The following HECW1 variants were observed in gnomAD, a reference collection of about 807,000 sequenced individuals.
HECW1 encodes HECT, C2 and WW domain containing E3 ubiquitin protein ligase 1, also known as E3 ubiquitin-protein ligase HECW1.
In HECW1, 61 loss-of-function variants were observed where a neutral mutation model predicts 182.3. That is an observed-to-expected ratio of 0.33 (90% CI 0.27 to 0.41). The LOEUF (loss-of-function observed/expected upper bound fraction) is 0.41, where lower values mean the gene tolerates loss of function less well. HECW1 is among the 10% of genes least tolerant of loss of function. The pLI is 1.00. For missense variants in HECW1, 1,739 were observed against 2,108.9 expected, an observed-to-expected ratio of 0.82 and a Z score of 3.44; for synonymous variants, 859 against 832.6, an observed-to-expected ratio of 1.03 and a Z score of -0.55.
intron 3 of HECW1, among the ~76,000 whole-genome samples, chr7:43,290,683 A>C (rs1481752339): frequency 6.6e-6 from 1 of 152,238 alleles, no homozygotes; most frequent in Non-Finnish European, 1.5e-5. Context: ...GGAGCTTGAC[A>C]GGGACGTCAT....
At chr7:43,520,703 T>A (rs1241991039) in intron 24 of HECW1, among the ~76,000 whole-genome samples, 3 of 152,148 alleles carry the variant, frequency 2.0e-5, no homozygotes, top group African/African-American at 7.2e-5. Context: ...TGGAACCTTG[T>A]TCTCCAATCT....
At chr7:43,214,399 C>T (rs1796267629) in intron 2 of HECW1, among the ~76,000 whole-genome samples, 1 of 152,100 alleles carries the variant, frequency 6.6e-6, no homozygotes. Flanking sequence ...GGAAATAATA[C>T]ATTCAAATAT....
chr7:43,169,323 G>A (rs1364699762), intron 2 of HECW1, among the ~76,000 whole-genome samples: 2 of 152,156 alleles, frequency 1.3e-5, no homozygotes, highest in Non-Finnish European at 1.5e-5. Flanking sequence ...ATTGTCATGG[G>A]GGCTGACCTG....
chr7:43,465,983 G>GGGAAGGAA (rs1012018515), intron 14 of HECW1, among the ~76,000 whole-genome samples: 2 of 132,276 alleles, frequency 1.5e-5, no homozygotes, highest in African/African-American at 5.7e-5. Context: ...AAGGGAGGGA[G>GGGAAGGAA]GGAAGGAAGG....
At chr7:43,150,517 T>C (rs1335325717) in intron 2 of HECW1, among the ~76,000 whole-genome samples, 1 of 152,172 alleles carries the variant, frequency 6.6e-6, no homozygotes, top group Non-Finnish European at 1.5e-5. Flanking sequence ...TAGCTGGGAT[T>C]ATAGGCACCT....
At chr7:43,133,280 T>A (rs1180800389) in intron 2 of HECW1, among the ~76,000 whole-genome samples, 2 of 151,762 alleles carry the variant, frequency 1.3e-5, no homozygotes, top group Non-Finnish European at 2.9e-5. Context: ...ATAAGATTAG[T>A]TTGCATTTTT....
rs1799078240 is a variant in HECW1, at chr7:43,243,512, T to G, written c.-31-363T>G. ...AGGAGTGGATCATATGTGAGGATGC[T>G]TTTCGCTGGCCTTCTCAGACGGCTG... On this transcript the variant is annotated intron_variant, in intron 2 of 29. Transcript: ENST00000395891. This position sits in a 1 kb window ranked among gnomAD's most constrained non-coding sequence, Gnocchi z 4.0. Among the ~76,000 whole-genome samples, 1 of 152,090 alleles carries G rather than the reference T, an allele frequency of 6.6e-6. No individual in the cohort carries two copies. Among genetic ancestry groups the G allele is most frequent in the Non-Finnish European group, 1.5e-5 (1 of 68,034 alleles).
At chr7:43,352,147 A>G (rs781677996) in intron 5 of HECW1, among the ~76,000 whole-genome samples, 68 of 152,296 alleles carry the variant, frequency 4.5e-4, no homozygotes, top group Admixed American at 1.8e-3. Flanking sequence ...CATGTTCTGT[A>G]TCTTGACCTC....
At chr7:43,516,640 T>C (rs1447757517) in intron 24 of HECW1, among the ~76,000 whole-genome samples, 1 of 152,184 alleles carries the variant, frequency 6.6e-6, no homozygotes, top group African/African-American at 2.4e-5. Context: ...CTAGGAAGAA[T>C]ACCAGCGCCT....
chr7:43,275,066 A>G (rs1802943477), intron 3 of HECW1, among the ~76,000 whole-genome samples: 1 of 152,188 alleles, frequency 6.6e-6, no homozygotes, highest in South Asian at 2.1e-4. Flanking sequence ...TCCTCAGAGA[A>G]TAACAGAGCA....
At chr7:43,223,615 G>A (rs374302030) in intron 2 of HECW1, among the ~76,000 whole-genome samples, 10 of 150,564 alleles carry the variant, frequency 6.6e-5, no homozygotes, top group East Asian at 2.0e-4. Context: ...GCAAAACTCC[G>A]TCTCAAAAAA....
At chr7:43,201,461 G>A (rs781473112) in intron 2 of HECW1, among the ~76,000 whole-genome samples, 8 of 152,190 alleles carry the variant, frequency 5.3e-5, no homozygotes, top group South Asian at 2.1e-4. Context: ...GAGAATCCAC[G>A]CTCAATGGGA....
intron 2 of HECW1, among the ~76,000 whole-genome samples, chr7:43,172,372 T>C (rs961724552): frequency 2.0e-5 from 3 of 151,906 alleles, no homozygotes; most frequent in African/African-American, 7.2e-5. Context: ...AAATTTTCTA[T>C]TTTTAGAAAA....
intron 29 of HECW1, 45 bp from the exon 30 acceptor site, chr7:43,561,770 T>C (rs1409892299): frequency 1.5e-6 from 2 of 1,292,458 alleles, no homozygotes; most frequent in Admixed American, 1.7e-5. Context: ...GAACCAGTTG[T>C]ATCATTGAAA....
rs59069363 is a variant in HECW1 at position 43,138,527 on chromosome 7, G to T, written c.-32+24136G>T. Among the ~76,000 whole-genome samples the T allele has an allele frequency of 3.3e-3, 501 of 152,186 alleles. 4 individuals carry two copies. Among genetic ancestry groups the T allele is most frequent in the African/African-American group, 0.011 (467 of 41,518 alleles). ...CTTTCTTCCACATTTCTGAAGTGTT[G>T]TTATAAAAACGCCTTGCTTTTCTGT... On this transcript the variant is annotated intron_variant, in intron 2 of 29. Transcript: ENST00000395891.
intron 12 of HECW1, among the ~76,000 whole-genome samples, chr7:43,454,462 C>T (rs2077335424): frequency 6.6e-6 from 1 of 152,194 alleles, no homozygotes; most frequent in African/African-American, 2.4e-5. Context: ...TATACAATTT[C>T]ATCCATGAGC....
At position 43,493,114 on chromosome 7, in the gene HECW1, G is replaced by A. The variant is rs569020073; in HGVS notation, c.3371G>A (p.Arg1124His). The change falls in exon 19 of 30, where the codon CGC becomes CAC. Residue 1124 changes from arginine (R) to histidine (H), a missense_variant. Arg to His is a conservative substitution (Grantham distance 29, BLOSUM62 0). Coordinates refer to ENST00000395891, the MANE Select transcript of HECW1 (RefSeq NM_015052.5). Reference sequence around the variant, plus strand: ...AATGACAAGATTGTGGCATTTCTTCGCCAGCCAAACATTTTTGAAATGCTG... The same window carrying A: ...AATGACAAGATTGTGGCATTTCTTCACCAGCCAAACATTTTTGAAATGCTG... ...AYNDKIVAFL[R>H]QPNIFEMLQE... 1.7e-5 allele frequency: 28 copies of A among 1,612,856 alleles called. No individual in the cohort carries two copies. The highest frequency in any genetic ancestry group is 8.4e-5 in the Admixed American group (5 of 59,864).
intron 3 of HECW1, among the ~76,000 whole-genome samples, chr7:43,278,004 T>C (rs1311711341): frequency 6.6e-6 from 1 of 152,118 alleles, no homozygotes; most frequent in Non-Finnish European, 1.5e-5. Context: ...GGCTCAGACC[T>C]GGCCCTCTCC....
chr7:43,221,551 T>A, intron 2 of HECW1, among the ~76,000 whole-genome samples: 2 of 36,470 alleles, frequency 5.5e-5, no homozygotes, highest in African/African-American at 2.2e-4. Context: ...TTTTTTTTTT[T>A]TTTTTTTTTT....
Sources: gnomAD v4.1 joint callset for allele counts (sites outside exome capture counted in the v4.1 genomes callset) on GRCh38, gnomAD v4.1.1 for gene constraint, Gnocchi (gnomAD v3.1) non-coding constraint, MANE v1.5 for transcripts, NCBI Gene and HGNC (gene_info 2026-07-23, HGNC 2026-07-21) for gene names.